The following TNPO3 variants were observed in gnomAD, a reference collection of about 807,000 sequenced individuals.
TNPO3 encodes transportin 3.
TNPO3 carries 65 observed loss-of-function variants against 122.8 expected under a neutral mutation model. That is an observed-to-expected ratio of 0.53 (90% CI 0.43 to 0.65). The LOEUF (loss-of-function observed/expected upper bound fraction) is 0.65. Among genes scored for constraint, TNPO3 ranks in the 30% least tolerant of loss-of-function variants. The pLI is 0.00. For synonymous variants in TNPO3, 372 were observed against 411.2 expected (o/e 0.90, Z 1.15); for missense variants, 850 against 1,136.7 (o/e 0.75, Z 3.63).
At chr7:129,014,395 CA>C (rs1391146419) in intron 4 of TNPO3, among the ~76,000 whole-genome samples, 1 of 152,116 alleles carries the variant, frequency 6.6e-6, no homozygotes, top group East Asian at 1.9e-4. Flanking sequence ...TGGTGGCGCA[CA>C]CCTGTAGTCC....
At chr7:128,956,467 G>A (rs1796906848) in intron 22 of TNPO3, among the ~76,000 whole-genome samples, 1 of 152,174 alleles carries the variant, frequency 6.6e-6, no homozygotes, top group African/African-American at 2.4e-5. Context: ...GGAGAAAAGT[G>A]CTCATCGGGA....
At chr7:129,055,298 G>T (rs370237050), upstream of TNPO3, 36 of 158,078 alleles carry the variant, frequency 2.3e-4, no homozygotes, top group East Asian at 5.9e-3. Context: ...TGGGACATTA[G>T]CGCCGAGATG....
intron 1 of TNPO3, among the ~76,000 whole-genome samples, chr7:129,037,000 G>A (rs1441324506): frequency 6.6e-6 from 1 of 152,134 alleles, no homozygotes; most frequent in Admixed American, 6.5e-5. Flanking sequence ...GTGACATGTG[G>A]GACACAGTGA....
At chr7:129,052,947 T>C (rs933671714) in intron 1 of TNPO3, among the ~76,000 whole-genome samples, 11 of 152,308 alleles carry the variant, frequency 7.2e-5, no homozygotes, top group Admixed American at 2.6e-4. Context: ...ATGTGAATGA[T>C]TTTCTTGTGT....
chr7:128,982,944 T>A (rs1039684916), intron 13 of TNPO3, among the ~76,000 whole-genome samples: 5 of 152,200 alleles, frequency 3.3e-5, no homozygotes, highest in Non-Finnish European at 1.5e-5. Flanking sequence ...AGGCGTTGAT[T>A]GCTAACTTGA....
upstream of TNPO3, chr7:129,055,592 C>A (rs3757384): frequency 0.044 from 7,036 of 161,320 alleles, 211 homozygotes; most frequent in Middle Eastern, 0.1. Context: ...TGCCTAGAAT[C>A]TTTGTTCAGC....
intron 2 of TNPO3, among the ~76,000 whole-genome samples, chr7:129,017,279 AAAAAG>A (rs142141666): frequency 1.8e-4 from 28 of 152,358 alleles, no homozygotes; most frequent in East Asian, 3.9e-4. Flanking sequence ...AAAACTAAAA[AAAAAG>A]AAAAGAAAAG....
chr7:128,957,437 T>C (rs1797007359), intron 21 of TNPO3, 122 bp from the exon 22 acceptor site: 1 of 940,512 alleles, frequency 1.1e-6, no homozygotes, highest in African/African-American at 1.6e-5. Context: ...CTCTCCATCG[T>C]CTCCTGAGCG....
At chr7:129,045,271 A>G (rs1807886235) in intron 1 of TNPO3, among the ~76,000 whole-genome samples, 1 of 152,136 alleles carries the variant, frequency 6.6e-6, no homozygotes, top group African/African-American at 2.4e-5. Context: ...AGTTTTGAAG[A>G]TGGATGATGG....
At chr7:129,042,524 T>A (rs1283702590) in intron 1 of TNPO3, among the ~76,000 whole-genome samples, 1 of 152,186 alleles carries the variant, frequency 6.6e-6, no homozygotes, top group African/African-American at 2.4e-5. Flanking sequence ...AGAACAAGTC[T>A]AATTTACCTC....
intron 1 of TNPO3, among the ~76,000 whole-genome samples, chr7:129,037,643 C>T (rs1003467382): frequency 6.6e-6 from 1 of 152,080 alleles, no homozygotes; most frequent in African/African-American, 2.4e-5. Flanking sequence ...GGGGAAGAGC[C>T]TCTGTTGCGA....
chr7:128,957,288 C>T lies in TNPO3; in HGVS notation c.2739G>A (p.Trp913Ter). 1 of 1,614,048 alleles carries T rather than the reference C, an allele frequency of 6.2e-7. No homozygotes were observed. Among genetic ancestry groups the T allele is most frequent in the Non-Finnish European group, 8.5e-7 (1 of 1,179,960 alleles). Residue 913 changes from tryptophan (W) to a stop codon, truncating the protein, a stop_gained, in exon 22 of 23, where the codon TGG becomes TGA. Transcript: ENST00000265388. LOFTEE classifies it high-confidence loss of function. ...TSAEECKQVC[W>*]ALRDFTRLFR ...ACAACCTGGTGAAGTCTCGCAAGGC[C>T]CAGCAAACTTGTTTACATTCCTCAG...
Position 129,005,130 on chromosome 7 carries a change from A to T in TNPO3, c.582T>A (p.Asp194Glu), listed in dbSNP as rs148885407. ...LMTCVEKAGT[D>E]EKMLMKVFRC... ...GAAAAACCTTCATAAGCATTTTCTC[A>T]TCTGTTCCTGCTTTTTCTACACAGG... Residue 194 changes from aspartate (D) to glutamate (E), a missense_variant, in exon 5 of 23, where the codon GAT (aspartate) becomes GAA (glutamate). Transcript: ENST00000265388. 5 of 1,613,854 alleles carry T rather than the reference A, an allele frequency of 3.1e-6. No individual in the cohort carries two copies. The highest frequency in any genetic ancestry group is 1.3e-5 in the African/African-American group (1 of 74,928).
intron 1 of TNPO3, among the ~76,000 whole-genome samples, chr7:129,052,134 C>T (rs1808855855): frequency 6.6e-6 from 1 of 152,216 alleles, no homozygotes; most frequent in Non-Finnish European, 1.5e-5. Flanking sequence ...CCACCCTCCT[C>T]TATCATGTTT....
Position 128,978,983 on chromosome 7 carries a change from C to T in TNPO3, c.2061G>A (p.Gln687=). The change falls in exon 16 of 23, where the codon CAG becomes CAA. Residue 687 remains glutamine, a splice_region_variant and synonymous_variant. Transcript: ENST00000265388. ...GTCCCCCCGCAACAGATAACTTTACCTGTGTGACTAGTGGCTGCAGCAGTG... is the reference window on the plus strand; with the variant it reads ...GTCCCCCCGCAACAGATAACTTTACTTGTGTGACTAGTGGCTGCAGCAGTG... ...SAALLQPLVT[Q]MVNVYHVHQH... The T allele has an allele frequency of 6.2e-7, 1 of 1,614,062 alleles. No homozygotes were observed. The highest frequency in any genetic ancestry group is 8.5e-7 in the Non-Finnish European group (1 of 1,179,970).
chr7:128,974,147 C>T (rs1386181860), intron 18 of TNPO3, among the ~76,000 whole-genome samples: 2 of 151,742 alleles, frequency 1.3e-5, no homozygotes, highest in Non-Finnish European at 2.9e-5. Flanking sequence ...GCACTCCAGC[C>T]TGGGCAACAG....
chr7:128,974,467 C>T (rs1487928398), intron 18 of TNPO3, among the ~76,000 whole-genome samples: 1 of 151,520 alleles, frequency 6.6e-6, no homozygotes, highest in Non-Finnish European at 1.5e-5. Context: ...TCTTAAAATC[C>T]CAAACATTCT....
intron 1 of TNPO3, among the ~76,000 whole-genome samples, chr7:129,043,049 C>G (rs1176499184): frequency 2.6e-5 from 4 of 151,982 alleles, no homozygotes; most frequent in Non-Finnish European, 5.9e-5. Context: ...AATATATAAT[C>G]AAAAGGAAAA....
At chr7:128,957,722 T>C (rs973341160) in intron 21 of TNPO3, among the ~76,000 whole-genome samples, 2 of 152,230 alleles carry the variant, frequency 1.3e-5, no homozygotes, top group Non-Finnish European at 2.9e-5. Flanking sequence ...ATTCAATAAA[T>C]GTAGGCTGCT....
Sources: allele counts gnomAD v4.1 joint callset (sites outside exome capture counted in the v4.1 genomes callset), GRCh38; gene constraint gnomAD v4.1.1; transcripts MANE v1.5; gene names NCBI Gene and HGNC (gene_info 2026-07-23, HGNC 2026-07-21).